FBN1: variants seen among roughly 807,000 people sequenced by gnomAD.
The protein encoded by FBN1 is fibrillin-1.
A neutral mutation model predicts 365.1 loss-of-function variants in FBN1; 29 were observed. That is an observed-to-expected ratio of 0.08 (90% CI 0.06 to 0.11). The LOEUF (loss-of-function observed/expected upper bound fraction) is 0.11. Ranked by LOEUF, FBN1 falls within the 10% of genes least tolerant of loss-of-function variation. The pLI is 1.00. For synonymous variants in FBN1, 1,210 were observed against 1,270.5 expected (o/e 0.95, Z 1.01); for missense variants, 2,476 against 3,703.2 (o/e 0.67, Z 8.60).
chr15:48,620,261 T>C (rs1041809356), intron 2 of FBN1, among the ~76,000 whole-genome samples: 5 of 152,210 alleles, frequency 3.3e-5, no homozygotes, highest in African/African-American at 9.7e-5. Flanking sequence ...TGACGATGTA[T>C]GTAATGTTAC....
chr15:48,514,424 A>G (rs934970221), intron 12 of FBN1, among the ~76,000 whole-genome samples: 25 of 152,216 alleles, frequency 1.6e-4, no homozygotes, highest in Non-Finnish European at 1.5e-4. Context: ...AGGAAATTAA[A>G]TAGTTTGGGA....
At position 48,427,716 on chromosome 15, in the gene FBN1, G is replaced by A. The variant is rs778947479; in HGVS notation, c.7055C>T (p.Ser2352Phe). Residue 2352 changes from serine to phenylalanine, a missense_variant, in exon 58 of 66, where the codon TCC becomes TTC. Physicochemically the swap from Ser to Phe is radical, Grantham distance 155. This residue lies in a region of FBN1 where 1,780 missense variants were observed against 2,840.8 expected (regional missense o/e 0.63). Coordinates refer to ENST00000316623, the MANE Select transcript of FBN1 (RefSeq NM_000138.5). ...TTTGGTGACGGGGTTCCTGTTGCTGGAGCCGATCTGACACATGTTTTGTAG... is the reference window on the plus strand; with the variant it reads ...TTTGGTGACGGGGTTCCTGTTGCTGAAGCCGATCTGACACATGTTTTGTAG... Reference protein sequence around the residue: ...EVLQNMCQIGSSNRNPVTKSE... With the variant: ...EVLQNMCQIGFSNRNPVTKSE... The A allele has an allele frequency of 6.2e-7, 1 of 1,614,110 alleles. No individual in the cohort carries two copies. The highest frequency in any genetic ancestry group is 8.5e-7 in the Non-Finnish European group (1 of 1,179,994).
chr15:48,528,198 C>T (rs2043932376), intron 8 of FBN1, among the ~76,000 whole-genome samples: 1 of 152,230 alleles, frequency 6.6e-6, no homozygotes, highest in Non-Finnish European at 1.5e-5. Context: ...CTTATTAAGG[C>T]CACTTAGCGT....
chr15:48,588,237 G>A lies in FBN1; in HGVS notation c.538+8046C>T, dbSNP rs62011435. 5.5e-3 allele frequency among the ~76,000 whole-genome samples: 844 copies of A among 152,204 alleles called. 5 individuals are homozygous for A. The highest frequency in any genetic ancestry group is 9.0e-3 in the Non-Finnish European group (610 of 68,016). On this transcript the variant is annotated intron_variant, in intron 6 of 65. Coordinates refer to ENST00000316623, the MANE Select transcript of FBN1 (RefSeq NM_000138.5). ...TATCTCATAGATAATTTTTAATACT[G>A]AGTATCTATTGACATAAAACTTTCA... is the stretch of plus-strand genomic sequence containing the variant.
chr15:48,552,956 G>C (rs1023051002), intron 6 of FBN1, among the ~76,000 whole-genome samples: 1 of 152,088 alleles, frequency 6.6e-6, no homozygotes, highest in Non-Finnish European at 1.5e-5. Context: ...TCGAAACCTA[G>C]TAAGATATCT....
At chr15:48,625,901 C>A (rs1002076281) in intron 2 of FBN1, among the ~76,000 whole-genome samples, 1 of 152,084 alleles carries the variant, frequency 6.6e-6, no homozygotes, top group African/African-American at 2.4e-5. Context: ...ACAATCCCAG[C>A]ACCTAACACA....
chr15:48,588,249 A>G (rs970340349), intron 6 of FBN1, among the ~76,000 whole-genome samples: 1 of 152,196 alleles, frequency 6.6e-6, no homozygotes, highest in Non-Finnish European at 1.5e-5. Flanking sequence ...GTATCTATTG[A>G]CATAAAACTT....
chr15:48,468,250 G>T, intron 37 of FBN1, 148 bp from the exon 38 acceptor site: 1 of 1,342,640 alleles, frequency 7.4e-7, no homozygotes, highest in Non-Finnish European at 1.1e-6. Context: ...ACACTACCGA[G>T]AATTTTCCCT....
intron 61 of FBN1, 27 bp from the exon 62 acceptor site, chr15:48,421,713 G>A (rs761888145): frequency 1.2e-6 from 2 of 1,610,160 alleles, no homozygotes; most frequent in South Asian, 2.2e-5. Flanking sequence ...GGGCAAAGAG[G>A]GGTTAAAATT....
At chr15:48,482,384 T>C (rs1286554414) in intron 31 of FBN1, among the ~76,000 whole-genome samples, 2 of 152,100 alleles carry the variant, frequency 1.3e-5, no homozygotes, top group East Asian at 3.9e-4. Flanking sequence ...TATTCTCAGA[T>C]GAAACAACCA....
chr15:48,459,593 T>C (rs897535717), intron 43 of FBN1, among the ~76,000 whole-genome samples: 1 of 152,190 alleles, frequency 6.6e-6, no homozygotes, highest in African/African-American at 2.4e-5. Context: ...AGGGAAAAAC[T>C]CAGAGAATGC....
At chr15:48,530,799 G>A (rs1223408938) in intron 8 of FBN1, among the ~76,000 whole-genome samples, 1 of 152,134 alleles carries the variant, frequency 6.6e-6, no homozygotes, top group African/African-American at 2.4e-5. Flanking sequence ...ACATATTATG[G>A]AGTGCATGGA....
At chr15:48,495,096 A>G (rs1162707387) in intron 22 of FBN1, 27 bp downstream of exon 22, 2 of 1,613,786 alleles carry the variant, frequency 1.2e-6, no homozygotes, top group South Asian at 2.2e-5. Context: ...GGAGTGGTAT[A>G]GGAACCACAG....
intron 4 of FBN1, among the ~76,000 whole-genome samples, chr15:48,604,184 G>T (rs2044588713): frequency 6.7e-6 from 1 of 148,300 alleles, no homozygotes. Context: ...AATACCTCAG[G>T]TAATGATTTT....
At chr15:48,513,847 C>G (rs958956862) in intron 12 of FBN1, among the ~76,000 whole-genome samples, 179 bp from the exon 13 acceptor site, 6 of 152,132 alleles carry the variant, frequency 3.9e-5, no homozygotes, top group Non-Finnish European at 8.8e-5. Context: ...ACTGGTTGAG[C>G]AGTTAAAGTG....
chr15:48,460,543 T>C (rs2043273023), intron 42 of FBN1, among the ~76,000 whole-genome samples: 1 of 152,118 alleles, frequency 6.6e-6, no homozygotes, highest in African/African-American at 2.4e-5. Context: ...GAAGGAGAAG[T>C]AGAGATCCCC....
Position 48,489,915 on chromosome 15 carries a change from C to A in FBN1, c.3018G>T (p.Glu1006Asp), listed in dbSNP as rs543230093. 6.2e-7 allele frequency: 1 copy of A among 1,614,192 alleles called. No homozygotes were observed. The highest frequency in any genetic ancestry group is 2.2e-5 in the East Asian group (1 of 44,874). Reference protein sequence around the residue: ...CPMRNTPEYEELCPRGPGFAT... With the variant: ...CPMRNTPEYEDLCPRGPGFAT... ...CAAATCCGGGTCCTCTCGGACACAGCTCCTCGTACTCAGGAGTATTTCTCA... is the reference window on the plus strand; with the variant it reads ...CAAATCCGGGTCCTCTCGGACACAGATCCTCGTACTCAGGAGTATTTCTCA... Residue 1006 changes from glutamate (E) to aspartate (D), a missense_variant, in exon 25 of 66, where the codon GAG becomes GAT. Glu to Asp is a conservative substitution (Grantham distance 45). This residue lies in a region of FBN1 where 1,780 missense variants were observed against 2,840.8 expected (regional missense o/e 0.63). Coordinates refer to ENST00000316623, the MANE Select transcript of FBN1 (RefSeq NM_000138.5).
At chr15:48,444,727 T>A in intron 48 of FBN1, 67 bp from the exon 49 acceptor site, 2 of 1,574,890 alleles carry the variant, frequency 1.3e-6, no homozygotes, top group Non-Finnish European at 1.7e-6. Flanking sequence ...ACAATTAAAA[T>A]TCAAAAAAAC....
intron 2 of FBN1, among the ~76,000 whole-genome samples, chr15:48,636,490 G>A (rs911171180): frequency 1.3e-5 from 2 of 152,136 alleles, no homozygotes; most frequent in African/African-American, 4.8e-5. Context: ...CACTCACTCT[G>A]AGCAAGGCCT....
Sources: allele counts gnomAD v4.1 joint callset (sites outside exome capture counted in the v4.1 genomes callset), GRCh38; gene constraint gnomAD v4.1.1; regional missense constraint gnomAD v4.1.1; transcripts MANE v1.5; gene names NCBI Gene and HGNC (gene_info 2026-07-23, HGNC 2026-07-21).